SENP2: variants seen among roughly 807,000 people sequenced by gnomAD.
The protein encoded by SENP2 is sentrin-specific protease 2.
In SENP2, 16 loss-of-function variants were observed where a neutral mutation model predicts 86.3. That is an observed-to-expected ratio of 0.19 (90% confidence interval 0.13 to 0.28). The LOEUF (loss-of-function observed/expected upper bound fraction) is 0.28, where lower values mean the gene tolerates loss of function less well. SENP2 is among the 10% of genes least tolerant of loss of function. The pLI, the probability that SENP2 is intolerant of heterozygous loss-of-function variation, is 1.00. For synonymous variants in SENP2, 222 were observed against 238.7 expected, an observed-to-expected ratio of 0.93 and a Z score of 0.64; for missense variants, 552 against 703.0, an observed-to-expected ratio of 0.79 and a Z score of 2.43.
In SENP2 at chr3:185,611,704, A is replaced by G. The variant is rs1722707160; in HGVS notation, c.776A>G (p.Gln259Arg). Reference protein sequence around the residue: ...TLKTKGWGEEQNHGVKTTQFV... With the variant: ...TLKTKGWGEERNHGVKTTQFV... ...AAGACCAAAGGCTGGGGGGAAGAGCAAAATCACGGAGTCAAAACAACTCAG... is the reference window on the plus strand; with the variant it reads ...AAGACCAAAGGCTGGGGGGAAGAGCGAAATCACGGAGTCAAAACAACTCAG... Residue 259 changes from glutamine (Q) to arginine (R), a missense_variant, in exon 8 of 17, where the codon CAA becomes CGA. This residue lies in a region of SENP2 where 383 missense variants were observed against 427.3 expected (regional missense o/e 0.90). Transcript: ENST00000296257. The G allele has an allele frequency of 1.9e-6, 3 of 1,613,710 alleles. No individual in the cohort carries two copies. The highest frequency in any genetic ancestry group is 2.5e-6 in the Non-Finnish European group (3 of 1,179,878).
chr3:185,614,579 C>T lies in SENP2; in HGVS notation c.949C>T (p.Leu317=). The T allele has an allele frequency of 6.2e-7, 1 of 1,612,962 alleles. No individual in the cohort carries two copies. Among genetic ancestry groups the T allele is most frequent in the Non-Finnish European group, 8.5e-7 (1 of 1,179,628 alleles). Residue 317 remains leucine, a synonymous_variant, in exon 11 of 17, where the codon CTG becomes TTG. Coordinates refer to ENST00000296257, the MANE Select transcript of SENP2 (RefSeq NM_021627.3). The part of the protein sequence containing the change: ...FENESRRGYQ[L]EPDLSEEVSA... ...TTTTGATCAGAGGAGGGGATACCAA[C>T]TGGAGCCTGACCTATCAGAAGAAGT...
intron 7 of SENP2, 21 bp from the exon 8 acceptor site, chr3:185,611,630 C>T (rs1722702025): frequency 6.4e-7 from 1 of 1,560,300 alleles, no homozygotes; most frequent in Non-Finnish European, 8.8e-7. Flanking sequence ...TCTGATCTCC[C>T]TCACTTTTTG....
Position 185,629,851 on chromosome 3 carries a change from T to C in SENP2, c.*7T>C. 1 of 1,613,990 alleles carries C rather than the reference T, an allele frequency of 6.2e-7. No individual in the cohort carries two copies. Among genetic ancestry groups the C allele is most frequent in the Non-Finnish European group, 8.5e-7 (1 of 1,179,922 alleles). On this transcript the variant is annotated 3_prime_UTR_variant, in exon 17 of 17. Coordinates refer to ENST00000296257, the MANE Select transcript of SENP2 (RefSeq NM_021627.3). ...TCATCAGCAGTTGCTGTGAGAAAAC[T>C]TTGCCTGGTCCCTCTAGCTGCTGGT... is the stretch of plus-strand genomic sequence containing the variant.
intron 1 of SENP2, among the ~76,000 whole-genome samples, chr3:185,587,186 G>A (rs1441323116): frequency 6.6e-6 from 1 of 152,180 alleles, no homozygotes; most frequent in East Asian, 1.9e-4. Context: ...AGGCTGGAGT[G>A]CAGTGGTGCG....
At position 185,632,741 on chromosome 3, in the gene SENP2, C is replaced by CTT. The variant is rs1313450775; in HGVS notation, c.*2898_*2899dup. 2 of 152,324 alleles carry CTT rather than the reference C, an allele frequency of 1.3e-5. No individual in the cohort carries two copies. Among genetic ancestry groups the CTT allele is most frequent in the African/African-American group, 4.8e-5 (2 of 41,374 alleles). 9.4% of individuals were successfully genotyped at this position (152,324 alleles called of 1,614,324 possible). A position where few individuals can be genotyped will look rare whatever the true frequency, so the allele number is the denominator to read the frequency against. ...GTTTCTCCATGTTGGTCAGGCTGGT[C>CTT]TTAAACTCCCGACCTCAAGTGATCT... On this transcript the variant is annotated 3_prime_UTR_variant, in exon 17 of 17. Coordinates refer to ENST00000296257, the MANE Select transcript of SENP2 (RefSeq NM_021627.3).
rs1711659690 is a variant in SENP2, at chr3:185,617,354, A to G, written c.1111-126A>G. The G allele has an allele frequency of 1.2e-5, 8 of 640,692 alleles. No homozygotes were observed. The South Asian group carries it at 1.9e-4, about 15-fold the overall frequency. 39.7% of individuals were successfully genotyped at this position (640,692 alleles called of 1,614,324 possible). A position where few individuals can be genotyped will look rare whatever the true frequency, so the allele number is the denominator to read the frequency against. ...CCTACTGTAGTTTAGTAGGTCTTTG[A>G]TAGTATATTTTTCTCAAGAGTCAGG... On this transcript the variant is annotated intron_variant, in intron 11 of 16. Transcript: ENST00000296257.
intron 13 of SENP2, 61 bp from the exon 14 acceptor site, chr3:185,621,765 G>A: frequency 1.0e-6 from 1 of 991,544 alleles, no homozygotes; most frequent in East Asian, 2.4e-5. Flanking sequence ...ATTTTTGGAA[G>A]TAAAATTCTC....
At chr3:185,614,978 C>T (rs1007002940) in intron 11 of SENP2, among the ~76,000 whole-genome samples, 2 of 152,264 alleles carry the variant, frequency 1.3e-5, no homozygotes, top group Non-Finnish European at 1.5e-5. Flanking sequence ...ACAGTCATCT[C>T]ATATCTTGGA....
intron 2 of SENP2, among the ~76,000 whole-genome samples, chr3:185,591,505 T>C (rs1331200050): frequency 6.6e-6 from 1 of 151,104 alleles, no homozygotes; most frequent in Non-Finnish European, 1.5e-5. Flanking sequence ...GCGCCCGCCA[T>C]CATGCCCGGC....
chr3:185,616,854 A>C (rs1388003094), intron 11 of SENP2, among the ~76,000 whole-genome samples: 1 of 92,724 alleles, frequency 1.1e-5, no homozygotes, highest in Non-Finnish European at 2.0e-5. Context: ...AATTAGATGC[A>C]CCTGGGTTCA....
chr3:185,617,523 A>G lies in SENP2; in HGVS notation c.1154A>G (p.Gln385Arg). 6.2e-7 allele frequency: 1 copy of G among 1,613,892 alleles called. No homozygotes were observed. Among genetic ancestry groups the G allele is most frequent in the Non-Finnish European group, 8.5e-7 (1 of 1,179,810 alleles). The change falls in exon 12 of 17, where the codon CAG becomes CGG. Residue 385 changes from glutamine to arginine, a missense_variant. Physicochemically the swap from Gln to Arg is conservative, Grantham distance 43. Coordinates refer to ENST00000296257, the MANE Select transcript of SENP2 (RefSeq NM_021627.3). Reference sequence around the variant, plus strand: ...AGTAATGCCCTAGGCCATGGCCCACAGGATGAAATCCTAAGTAGTGCTTTC... The same window carrying G: ...AGTAATGCCCTAGGCCATGGCCCACGGGATGAAATCCTAAGTAGTGCTTTC... ...EISNALGHGPQDEILSSAFKL... is the reference protein window; with the variant it reads ...EISNALGHGPRDEILSSAFKL...
At chr3:185,590,527 C>T (rs945800105) in intron 2 of SENP2, among the ~76,000 whole-genome samples, 16 of 147,972 alleles carry the variant, frequency 1.1e-4, no homozygotes, top group South Asian at 6.4e-4. Context: ...CAGCCTGGGG[C>T]GACAGAGCAG....
intron 11 of SENP2, among the ~76,000 whole-genome samples, chr3:185,615,733 C>T (rs774382905): frequency 6.6e-6 from 1 of 152,172 alleles, no homozygotes; most frequent in Non-Finnish European, 1.5e-5. Context: ...TATGATGAAG[C>T]CATTTATTCC....
chr3:185,590,895 AG>A (rs1721965716), intron 2 of SENP2, among the ~76,000 whole-genome samples: 2 of 133,682 alleles, frequency 1.5e-5, no homozygotes, highest in Non-Finnish European at 3.2e-5. Context: ...AAAAAAAGAA[AG>A]TCTCCTTTTT....
intron 13 of SENP2, among the ~76,000 whole-genome samples, chr3:185,621,472 C>G (rs1249649907): frequency 5.4e-5 from 8 of 148,450 alleles, no homozygotes; most frequent in Non-Finnish European, 1.2e-4. Context: ...TCACTGCAAC[C>G]TCTGCCTCCC....
intron 7 of SENP2, among the ~76,000 whole-genome samples, chr3:185,610,263 C>T (rs912701152): frequency 1.3e-5 from 2 of 148,456 alleles, no homozygotes; most frequent in African/African-American, 5.0e-5. Flanking sequence ...TGGGTTCAAG[C>T]GATTATCCTG....
At chr3:185,593,547 G>T (rs2148981301) in intron 2 of SENP2, among the ~76,000 whole-genome samples, 1 of 152,272 alleles carries the variant, frequency 6.6e-6, no homozygotes, top group South Asian at 2.1e-4. Flanking sequence ...TTTGAATGAT[G>T]ATTATGTACT....
chr3:185,630,552 A>G lies in SENP2; in HGVS notation c.*708A>G. On this transcript the variant is annotated 3_prime_UTR_variant, in exon 17 of 17. Coordinates refer to ENST00000296257, the MANE Select transcript of SENP2 (RefSeq NM_021627.3). ...GCCGTGAACAGTGGAACTGTGCCCA[A>G]GGGACTCTGATTATCCAAGCATCTT... is the stretch of plus-strand genomic sequence containing the variant. 1 of 152,688 alleles carries G rather than the reference A, an allele frequency of 6.5e-6. No individual in the cohort carries two copies. Among genetic ancestry groups the G allele is most frequent in the Non-Finnish European group, 1.5e-5 (1 of 68,098 alleles). The allele number at this position is 152,688 out of a possible 1,614,324, so 9.5% of individuals were successfully genotyped here.
intron 2 of SENP2, among the ~76,000 whole-genome samples, chr3:185,597,823 C>T (rs568074257): frequency 6.6e-6 from 1 of 151,638 alleles, no homozygotes; most frequent in South Asian, 2.1e-4. Flanking sequence ...CCAGCTAATT[C>T]TTTGTATTTT....
Sources: gnomAD v4.1 joint callset for allele counts (sites outside exome capture counted in the v4.1 genomes callset) on GRCh38, gnomAD v4.1.1 for gene constraint, gnomAD v4.1.1 regional missense constraint, MANE v1.5 for transcripts, NCBI Gene and HGNC (gene_info 2026-07-23, HGNC 2026-07-21) for gene names.